The following ATP8A2 variants were observed in gnomAD, a reference collection of about 807,000 sequenced individuals.
ATP8A2 encodes the protein phospholipid-transporting ATPase IB.
Under a neutral mutation model 165.6 loss-of-function variants are expected in ATP8A2, and 100 were observed. The ratio of observed to expected loss-of-function variants is 0.60; its 90% CI spans 0.51 to 0.71. The LOEUF (loss-of-function observed/expected upper bound fraction) is 0.71. Among genes scored for constraint, ATP8A2 ranks in the 30% least tolerant of loss-of-function variants. The pLI is 0.00. For synonymous variants in ATP8A2, 543 were observed against 548.8 expected, an observed-to-expected ratio of 0.99 and a Z score of 0.15; for missense variants, 1,227 against 1,479.5, an observed-to-expected ratio of 0.83 and a Z score of 2.80.
chr13:25,776,719 G>T, intron 27 of ATP8A2, among the ~76,000 whole-genome samples: 1 of 152,278 alleles, frequency 6.6e-6, no homozygotes, highest in South Asian at 2.1e-4. Context: ...GTATCGTAGG[G>T]TCATGGACCA....
chr13:25,768,504 T>A (rs1016475216), intron 25 of ATP8A2, among the ~76,000 whole-genome samples: 18 of 152,176 alleles, frequency 1.2e-4, no homozygotes, highest in African/African-American at 3.6e-4. Flanking sequence ...CAGCTTCATT[T>A]TCTGGGGCGG....
chr13:26,006,049 C>CA (rs979962018), intron 35 of ATP8A2, among the ~76,000 whole-genome samples: 19 of 151,454 alleles, frequency 1.3e-4, no homozygotes, highest in African/African-American at 2.9e-4. Flanking sequence ...AACAAACAAA[C>CA]AAAAAAAACC....
intron 2 of ATP8A2, among the ~76,000 whole-genome samples, chr13:25,471,124 A>C (rs1472488855): frequency 6.6e-6 from 1 of 152,178 alleles, no homozygotes; most frequent in African/African-American, 2.4e-5. Flanking sequence ...TTTCTATTGA[A>C]TTGCTTTCAA....
At chr13:25,465,708 T>TTTC (rs1260652811) in intron 1 of ATP8A2, among the ~76,000 whole-genome samples, 1 of 23,422 alleles carries the variant, frequency 4.3e-5, no homozygotes, top group African/African-American at 1.3e-4. Context: ...TCTTTCTTTC[T>TTTC]TTCTTTCTTT....
chr13:25,407,134 A>G (rs1409319465), intron 1 of ATP8A2, among the ~76,000 whole-genome samples: 1 of 152,224 alleles, frequency 6.6e-6, no homozygotes, highest in African/African-American at 2.4e-5. Context: ...GTGTCCACCC[A>G]AGGTTTCATG....
intron 25 of ATP8A2, among the ~76,000 whole-genome samples, chr13:25,759,298 A>G (rs956184309): frequency 3.9e-5 from 6 of 152,200 alleles, no homozygotes; most frequent in African/African-American, 1.4e-4. Flanking sequence ...AGACCTAATT[A>G]AAACCATCCA....
chr13:25,578,483 G>C (rs911473212), intron 20 of ATP8A2, among the ~76,000 whole-genome samples: 1 of 152,180 alleles, frequency 6.6e-6, no homozygotes, highest in African/African-American at 2.4e-5. Context: ...TTCTCCTTCT[G>C]CGCAAACGCC....
intron 35 of ATP8A2, among the ~76,000 whole-genome samples, chr13:25,977,962 C>CT (rs1428093080): frequency 6.6e-6 from 1 of 152,144 alleles, no homozygotes; most frequent in Non-Finnish European, 1.5e-5. Flanking sequence ...AGTACATTTC[C>CT]TTTTTTGAAT....
intron 19 of ATP8A2, 149 bp downstream of exon 19, chr13:25,575,006 G>T: frequency 4.3e-6 from 2 of 464,276 alleles, no homozygotes; most frequent in South Asian, 4.6e-5. Context: ...TTTTCTTCTT[G>T]GAATTTGTGA....
intron 24 of ATP8A2, among the ~76,000 whole-genome samples, chr13:25,686,814 G>C (rs1163815346): frequency 1.1e-3 from 162 of 152,166 alleles, no homozygotes; most frequent in Non-Finnish European, 2.1e-4. Flanking sequence ...CCAGGATTCT[G>C]ATGGAATCCT....
intron 24 of ATP8A2, among the ~76,000 whole-genome samples, chr13:25,633,680 C>G (rs1484248411): frequency 6.6e-6 from 1 of 152,038 alleles, no homozygotes; most frequent in East Asian, 1.9e-4. Context: ...TTATTTAAAT[C>G]AAGATTATAG....
intron 35 of ATP8A2, among the ~76,000 whole-genome samples, chr13:25,989,540 G>A (rs868128999): frequency 1.3e-5 from 2 of 152,102 alleles, no homozygotes; most frequent in Non-Finnish European, 2.9e-5. Context: ...TTAATTTTCA[G>A]TATTGTACAT....
chr13:25,569,726 A>G (rs530079520), intron 16 of ATP8A2, among the ~76,000 whole-genome samples: 1 of 152,326 alleles, frequency 6.6e-6, no homozygotes, highest in East Asian at 1.9e-4. Context: ...TCAGAGAACT[A>G]GTAGGAGCTC....
At chr13:25,648,494 T>C (rs892768905) in intron 24 of ATP8A2, among the ~76,000 whole-genome samples, 2 of 152,118 alleles carry the variant, frequency 1.3e-5, no homozygotes, top group Admixed American at 6.5e-5. Context: ...TGAAACCCTG[T>C]CTCTACTAAA....
chr13:25,530,105 GT>G lies in ATP8A2; in HGVS notation c.321+13del. The G allele has an allele frequency of 6.5e-7, 1 of 1,530,626 alleles. No individual in the cohort carries two copies. The highest frequency in any genetic ancestry group is 9.0e-7 in the Non-Finnish European group (1 of 1,108,548). 94.8% of individuals were successfully genotyped at this position (1,530,626 alleles called of 1,614,324 possible). A position where few individuals can be genotyped will look rare whatever the true frequency, so the allele number is the denominator to read the frequency against. On this transcript the variant is annotated splice_region_variant and intron_variant, in intron 3 of 36. Coordinates refer to ENST00000381655, the MANE Select transcript of ATP8A2 (RefSeq NM_016529.6). ...CTTCATTGCCTTATTACAGGTAATG[GT>G]TTTTTAACAGTTCCTTGGAATTCAC...
At chr13:25,544,554 T>C (rs1360686176) in intron 10 of ATP8A2, among the ~76,000 whole-genome samples, 1 of 152,002 alleles carries the variant, frequency 6.6e-6, no homozygotes, top group African/African-American at 2.4e-5. Context: ...TGAAGAGGAT[T>C]GTTGGAGTTG....
intron 9 of ATP8A2, 132 bp from the exon 10 acceptor site, chr13:25,543,159 G>A (rs747842012): frequency 1.4e-5 from 8 of 560,868 alleles, no homozygotes; most frequent in Non-Finnish European, 2.2e-5. Context: ...TTTGTTGTCT[G>A]TGTTTCTCAG....
rs141030610 is a variant in ATP8A2, at chr13:25,380,542, A to G, written c.76+8254A>G. Among the ~76,000 whole-genome samples the G allele has an allele frequency of 3.3e-4, 51 of 152,286 alleles. No homozygotes were observed. The East Asian group carries it at 8.1e-3, about 24-fold the overall frequency. On this transcript the variant is annotated intron_variant, in intron 1 of 36. Coordinates refer to ENST00000381655, the MANE Select transcript of ATP8A2 (RefSeq NM_016529.6). Reference sequence around the variant, plus strand: ...ATGTTTTCTGTTTATTATATATCGAAATAATATTTTGGATATGTGAGATTA... The same window carrying G: ...ATGTTTTCTGTTTATTATATATCGAGATAATATTTTGGATATGTGAGATTA...
chr13:25,386,203 A>AATTAAG lies in ATP8A2; in HGVS notation c.76+13915_76+13916insATTAAG, dbSNP rs577055406. Among the ~76,000 whole-genome samples, 747 of 152,176 alleles carry AATTAAG rather than the reference A, an allele frequency of 4.9e-3. 11 individuals are homozygous for AATTAAG. Among genetic ancestry groups the AATTAAG allele is most frequent in the African/African-American group, 0.017 (696 of 41,510 alleles). Reference sequence around the variant, plus strand: ...AGTGCTGGGATTACAGGTGTGAGCCACCTCTCCTGGCCGGGCTTAATTTTC... The same window carrying AATTAAG: ...AGTGCTGGGATTACAGGTGTGAGCCAATTAAGCCTCTCCTGGCCGGGCTTAATTTTC... On this transcript the variant is annotated intron_variant, in intron 1 of 36. Transcript: ENST00000381655.
Sources: gnomAD v4.1 joint callset for allele counts (sites outside exome capture counted in the v4.1 genomes callset) on GRCh38, gnomAD v4.1.1 for gene constraint, MANE v1.5 for transcripts, NCBI Gene and HGNC (gene_info 2026-07-23, HGNC 2026-07-21) for gene names.